PTPRG: variants seen among roughly 807,000 people sequenced by gnomAD.
PTPRG encodes the protein receptor-type tyrosine-protein phosphatase gamma.
In PTPRG, 102 loss-of-function variants were observed where a neutral mutation model predicts 165.3. That is an observed-to-expected ratio of 0.62 (90% CI 0.53 to 0.73). PTPRG has a LOEUF of 0.73. PTPRG is among the 30% of genes least tolerant of loss of function. The probability of loss-of-function intolerance (pLI) is 0.00; values close to 1 mark genes in which losing one functional copy is unlikely to be tolerated. For synonymous variants in PTPRG, 675 were observed against 669.5 expected, an observed-to-expected ratio of 1.01 and a Z score of -0.13; for missense variants, 1,866 against 1,861.4, an observed-to-expected ratio of 1.00 and a Z score of -0.05.
intron 2 of PTPRG, among the ~76,000 whole-genome samples, chr3:61,882,702 G>A (rs1293222992): frequency 6.6e-6 from 1 of 152,146 alleles, no homozygotes; most frequent in Non-Finnish European, 1.5e-5. Flanking sequence ...GAATCCCTGT[G>A]CCACTGCTTG....
intron 1 of PTPRG, among the ~76,000 whole-genome samples, chr3:61,615,545 T>G (rs542616769): frequency 6.6e-6 from 1 of 152,344 alleles, no homozygotes; most frequent in South Asian, 2.1e-4. Flanking sequence ...CTGCCAGGCT[T>G]CCCCACTTAA....
intron 2 of PTPRG, among the ~76,000 whole-genome samples, chr3:61,984,670 A>G (rs1205719848): frequency 1.3e-5 from 2 of 152,344 alleles, no homozygotes; most frequent in South Asian, 2.1e-4. Context: ...GGAACCCAAC[A>G]TGGGTGTGTT....
intron 16 of PTPRG, among the ~76,000 whole-genome samples, chr3:62,259,050 A>G (rs1016885270): frequency 6.6e-6 from 1 of 152,212 alleles, no homozygotes; most frequent in Non-Finnish European, 1.5e-5. Context: ...CCCCTGGACA[A>G]GATCCTTTGG....
At chr3:61,749,987 T>C (rs373741860) in intron 2 of PTPRG, 9 of 152,234 alleles carry the variant, frequency 5.9e-5, no homozygotes, top group African/African-American at 2.2e-4. Context: ...TCTTTAATTA[T>C]ACCTTATCTA....
intron 2 of PTPRG, among the ~76,000 whole-genome samples, chr3:61,789,549 G>A (rs1397279170): frequency 6.6e-6 from 1 of 152,218 alleles, no homozygotes; most frequent in African/African-American, 2.4e-5. Context: ...ATAAAGTGTT[G>A]CTGGAACAAT....
intron 2 of PTPRG, among the ~76,000 whole-genome samples, chr3:61,889,791 G>A (rs140012925): frequency 9.1e-4 from 138 of 152,300 alleles, no homozygotes; most frequent in South Asian, 2.1e-3. Context: ...ATGTGATTTA[G>A]TGTGTATTTT....
intron 15 of PTPRG, 22 bp downstream of exon 15, chr3:62,243,920 T>C: frequency 7.7e-7 from 1 of 1,304,350 alleles, no homozygotes; most frequent in Non-Finnish European, 1.1e-6. Flanking sequence ...ACTGCTCTTA[T>C]TTCCAATGGG....
chr3:62,191,557 C>T lies in PTPRG; in HGVS notation c.1122C>T (p.Tyr374=), dbSNP rs1225140225. 4.3e-6 allele frequency: 7 copies of T among 1,613,964 alleles called. No individual in the cohort carries two copies. Among genetic ancestry groups the T allele is most frequent in the Non-Finnish European group, 5.1e-6 (6 of 1,179,988 alleles). ...CCTGGAGCCAGCCGGAGACTATCTA[C>T]CACCCACCCATCATGAACTACATGA... The part of the protein sequence containing the change: ...QVSWSQPETI[Y]HPPIMNYMIS... The change falls in exon 9 of 30, where the codon TAC becomes TAT. Residue 374 remains tyrosine, a synonymous_variant. Transcript: ENST00000474889.
At chr3:61,680,341 A>G (rs1424755156) in intron 1 of PTPRG, among the ~76,000 whole-genome samples, 3 of 152,032 alleles carry the variant, frequency 2.0e-5, no homozygotes, top group African/African-American at 7.2e-5. Context: ...AGAGGGCCTC[A>G]TCTCAGGGTG....
At chr3:61,811,055 C>T (rs2035559152) in intron 2 of PTPRG, among the ~76,000 whole-genome samples, 1 of 152,142 alleles carries the variant, frequency 6.6e-6, no homozygotes, top group South Asian at 2.1e-4. Flanking sequence ...GACACTTTCT[C>T]CCTGTCATAG....
chr3:61,616,783 G>C (rs950459021), intron 1 of PTPRG, among the ~76,000 whole-genome samples: 1 of 152,130 alleles, frequency 6.6e-6, no homozygotes, highest in Non-Finnish European at 1.5e-5. Context: ...GTGTTAATAC[G>C]CAACTTTATG....
intron 2 of PTPRG, among the ~76,000 whole-genome samples, chr3:61,892,663 A>C (rs895707500): frequency 6.6e-6 from 1 of 152,102 alleles, no homozygotes; most frequent in African/African-American, 2.4e-5. Flanking sequence ...CTAAAAATAC[A>C]AAATTAGCCG....
At chr3:61,981,350 T>C (rs1174052087) in intron 2 of PTPRG, among the ~76,000 whole-genome samples, 1 of 152,210 alleles carries the variant, frequency 6.6e-6, no homozygotes, top group African/African-American at 2.4e-5. Flanking sequence ...AACTGAGAAA[T>C]CTTCCAGGCG....
At chr3:62,202,473 A>G (rs974414036) in intron 11 of PTPRG, among the ~76,000 whole-genome samples, 4 of 152,142 alleles carry the variant, frequency 2.6e-5, no homozygotes, top group African/African-American at 9.7e-5. Context: ...AATTCTTGTT[A>G]TTGTTGTTGA....
intron 2 of PTPRG, among the ~76,000 whole-genome samples, chr3:61,918,452 G>T (rs1286521307): frequency 6.6e-6 from 1 of 152,076 alleles, no homozygotes. Context: ...ATGCATTGTG[G>T]TACTCTGAAG....
chr3:61,603,770 G>A (rs1179374063), intron 1 of PTPRG, among the ~76,000 whole-genome samples: 1 of 152,138 alleles, frequency 6.6e-6, no homozygotes, highest in African/African-American at 2.4e-5. Flanking sequence ...TTGCCTTGCA[G>A]ATGTGGCTCC....
At chr3:61,918,253 G>T (rs959995196) in intron 2 of PTPRG, among the ~76,000 whole-genome samples, 3 of 152,106 alleles carry the variant, frequency 2.0e-5, no homozygotes, top group African/African-American at 7.2e-5. Context: ...GGCATTCTCA[G>T]GGGACTAAAT....
intron 2 of PTPRG, among the ~76,000 whole-genome samples, chr3:61,976,743 C>G (rs1259502062): frequency 1.3e-5 from 2 of 151,876 alleles, no homozygotes; most frequent in African/African-American, 2.4e-5. Flanking sequence ...GGCACGATCT[C>G]GGCTCACAGC....
chr3:61,878,368 T>C (rs1225480678), intron 2 of PTPRG, among the ~76,000 whole-genome samples: 1 of 152,218 alleles, frequency 6.6e-6, no homozygotes, highest in African/African-American at 2.4e-5. Flanking sequence ...TGTTTGATTA[T>C]TGATTTCTGA....
Sources: allele counts gnomAD v4.1 joint callset (sites outside exome capture counted in the v4.1 genomes callset), GRCh38; gene constraint gnomAD v4.1.1; transcripts MANE v1.5; gene names NCBI Gene and HGNC (gene_info 2026-07-23, HGNC 2026-07-21).